CENPN: variants seen among roughly 807,000 people sequenced by gnomAD.
CENPN encodes centromere protein N, also known as interphase centromere complex protein 32.
A neutral mutation model predicts 48.6 loss-of-function variants in CENPN; 36 were observed. The ratio of observed to expected loss-of-function variants is 0.74; its 90% CI spans 0.57 to 0.98. CENPN has a LOEUF of 0.98. Ranked by LOEUF, CENPN falls within the 50% of genes least tolerant of loss-of-function variation. CENPN has a pLI of 0.00. For missense variants in CENPN, 439 were observed against 399.2 expected, an observed-to-expected ratio of 1.10 and a Z score of -0.85; for synonymous variants, 166 against 135.2, an observed-to-expected ratio of 1.23 and a Z score of -1.58.
chr16:81,026,843 T>TCTGGG (rs948309982), intron 9 of CENPN, among the ~76,000 whole-genome samples: 15 of 152,200 alleles, frequency 9.9e-5, no homozygotes, highest in African/African-American at 3.6e-4. Context: ...AAATTATGAA[T>TCTGGG]CTGGGCTGGG....
chr16:81,032,457 A>G (rs1482129158), downstream of CENPN: 2 of 1,056,170 alleles, frequency 1.9e-6, no homozygotes, highest in East Asian at 2.6e-5. Context: ...GGGTTGGGGA[A>G]TCATCACTCT....
At chr16:81,020,581 G>A in intron 6 of CENPN, 1 of 232,384 alleles carries the variant, frequency 4.3e-6, no homozygotes, top group Non-Finnish European at 8.3e-6. Flanking sequence ...GTTGTTATCT[G>A]CAGATGGGAA....
intron 2 of CENPN, among the ~76,000 whole-genome samples, chr16:81,012,810 G>A (rs904559195): frequency 3.9e-5 from 6 of 152,178 alleles, no homozygotes; most frequent in Non-Finnish European, 2.9e-5. Context: ...GGCCAGGTTG[G>A]TGTCAAACTC....
chr16:81,010,837 C>T (rs1204295409), intron 1 of CENPN, among the ~76,000 whole-genome samples: 1 of 152,108 alleles, frequency 6.6e-6, no homozygotes, highest in East Asian at 1.9e-4. Context: ...ATCTGGAAAC[C>T]CCGTGAGTTC....
chr16:81,012,535 A>C (rs1969784650), intron 2 of CENPN, among the ~76,000 whole-genome samples: 1 of 152,178 alleles, frequency 6.6e-6, no homozygotes, highest in Admixed American at 6.5e-5. Context: ...AAAAGTTGCA[A>C]ATTTAGTTCA....
chr16:81,020,079 T>C (rs764191947), intron 5 of CENPN, 21 bp from the exon 6 acceptor site: 2 of 534,282 alleles, frequency 3.7e-6, no homozygotes, highest in Admixed American at 2.0e-4. Flanking sequence ...AATTAAGCCT[T>C]TTTTTTTTTT....
At chr16:81,012,678 C>T (rs1969792010) in intron 2 of CENPN, among the ~76,000 whole-genome samples, 1 of 152,202 alleles carries the variant, frequency 6.6e-6, no homozygotes, top group Admixed American at 6.5e-5. Flanking sequence ...TTACTGCAAC[C>T]TCTGCCTCCC....
Position 81,028,264 on chromosome 16 carries a change from CT to C in CENPN, c.906del (p.Leu303TrpfsTer4). 6.2e-7 allele frequency: 1 copy of C among 1,614,144 alleles called. No individual in the cohort carries two copies. Among genetic ancestry groups the C allele is most frequent in the Non-Finnish European group, 8.5e-7 (1 of 1,179,972 alleles). On this transcript the variant is annotated frameshift_variant, in exon 10 of 11. Transcript: ENST00000305850. LOFTEE classifies it high-confidence loss of function. ...CCTAATAAAGTTCTCTAGCCCACAT[CT>C]TCTGGAAGCATTGAAATCCTTAGCA... ...RCLIKFSSPH[L>X]LEALKSLAPA...
At chr16:81,017,425 G>T in intron 4 of CENPN, 40 bp downstream of exon 4, 4 of 1,404,794 alleles carry the variant, frequency 2.8e-6, no homozygotes, top group Non-Finnish European at 4.0e-6. Context: ...TGATAGTTTG[G>T]CTTGGACTCA....
In CENPN at chr16:81,014,092, A is replaced by C. The variant is rs180887934; in HGVS notation, c.172-44A>C. The C allele has an allele frequency of 8.3e-5, 130 of 1,557,302 alleles. No homozygotes were observed. The East Asian group carries it at 2.6e-3, about 31-fold the overall frequency. The stretch of plus-strand genomic sequence containing the variant: ...AATGTGTTTTAAACGGGATAGAACC[A>C]AACCTATAACCACAGTTACTAAATA... On this transcript the variant is annotated intron_variant, in intron 2 of 10. Coordinates refer to ENST00000305850, the MANE Select transcript of CENPN (RefSeq NM_001100624.3).
chr16:81,016,656 G>C (rs1050421613), intron 3 of CENPN: 2 of 152,380 alleles, frequency 1.3e-5, no homozygotes, highest in Non-Finnish European at 2.9e-5. Flanking sequence ...CCAGTACTCG[G>C]GAGGCTGAAG....
Position 81,028,202 on chromosome 16 carries a change from G to A in CENPN, c.842G>A (p.Gly281Glu). 1 of 1,612,856 alleles carries A rather than the reference G, an allele frequency of 6.2e-7. No homozygotes were observed. Among genetic ancestry groups the A allele is most frequent in the Non-Finnish European group, 8.5e-7 (1 of 1,178,870 alleles). Residue 281 changes from glycine to glutamate, a missense_variant, in exon 10 of 11, where the codon GGG becomes GAG. Gly to Glu is a moderately conservative substitution (Grantham distance 98, BLOSUM62 -2). Coordinates refer to ENST00000305850, the MANE Select transcript of CENPN (RefSeq NM_001100624.3). The part of the protein sequence containing the change: ...LETKFKSGLN[G>E]SILAEREEPL... Reference sequence around the variant, plus strand: ...ACGAAATTCAAAAGTGGTTTAAATGGGAGCATCTTGGCTGAGAGGGAAGAA... The same window carrying A: ...ACGAAATTCAAAAGTGGTTTAAATGAGAGCATCTTGGCTGAGAGGGAAGAA...
intron 7 of CENPN, chr16:81,024,503 C>T (rs1268010676): frequency 1.7e-5 from 7 of 418,752 alleles, no homozygotes; most frequent in Non-Finnish European, 3.0e-5. Context: ...TGATAAAGCA[C>T]AGAGCTCCTC....
rs975098858 is a variant in CENPN, at chr16:81,029,826, T to C, written c.*1175T>C. On this transcript the variant is annotated 3_prime_UTR_variant, in exon 11 of 11. Coordinates refer to ENST00000305850, the MANE Select transcript of CENPN (RefSeq NM_001100624.3). ...CTGGGCTCAAGCAATCTGCCCATTT[T>C]AGCCTCCTAAAATGCTGGGATTATA... Among the ~76,000 whole-genome samples the C allele has an allele frequency of 1.1e-4, 16 of 152,166 alleles. No individual in the cohort carries two copies. The highest frequency in any genetic ancestry group is 1.8e-4 in the Non-Finnish European group (12 of 68,030).
chr16:81,032,493 G>A (rs996232063), downstream of CENPN: 17 of 1,446,302 alleles, frequency 1.2e-5, no homozygotes, highest in East Asian at 2.0e-4. Context: ...CACCAGGCAC[G>A]TTAATAAAAC....
chr16:81,027,084 C>T (rs1597109434), intron 9 of CENPN, among the ~76,000 whole-genome samples: 1 of 152,142 alleles, frequency 6.6e-6, no homozygotes, highest in South Asian at 2.1e-4. Context: ...AGACGTGAGC[C>T]ACTGCGCCCA....
At position 81,022,496 on chromosome 16, in the gene CENPN, G is replaced by A. The variant is rs983692520; in HGVS notation, c.532-101G>A. ...CTAGACTTCTTTTTACACTTACGGG[G>A]AAACTATTCCCTAATTGCAGCTCTT... On this transcript the variant is annotated intron_variant, in intron 6 of 10. Coordinates refer to ENST00000305850, the MANE Select transcript of CENPN (RefSeq NM_001100624.3). The A allele has an allele frequency of 1.3e-5, 13 of 976,916 alleles. No homozygotes were observed. In the Middle Eastern group the frequency reaches 1.3e-3, roughly 95 times the overall value. The allele number at this position is 976,916 out of a possible 1,614,324, so 60.5% of individuals were successfully genotyped here. A position where few individuals can be genotyped will look rare whatever the true frequency, so the allele number is the denominator to read the frequency against.
At position 81,020,209 on chromosome 16, in the gene CENPN, A is replaced by C; in HGVS notation, c.464A>C (p.Tyr155Ser). 1.9e-6 allele frequency: 3 copies of C among 1,613,996 alleles called. No individual in the cohort carries two copies. The highest frequency in any genetic ancestry group is 1.7e-6 in the Non-Finnish European group (2 of 1,180,014). Residue 155 changes from tyrosine (Y) to serine (S), a missense_variant, in exon 6 of 11, where the codon TAC becomes TCC. Transcript: ENST00000305850. ...TACAAACCTACCTACGTGGTGTACTACTCCCAGACTCCGTACGCCTTCACG... is the reference window on the plus strand; with the variant it reads ...TACAAACCTACCTACGTGGTGTACTCCTCCCAGACTCCGTACGCCTTCACG... ...NQYKPTYVVY[Y>S]SQTPYAFTSS... is the part of the protein sequence containing the mutation.
At chr16:81,015,240 T>G in intron 3 of CENPN, among the ~76,000 whole-genome samples, 1 of 150,488 alleles carries the variant, frequency 6.6e-6, no homozygotes, top group South Asian at 2.1e-4. Context: ...AAGATGTCTG[T>G]TTTTTTTATC....
Sources: gnomAD v4.1 joint callset for allele counts (sites outside exome capture counted in the v4.1 genomes callset) on GRCh38, gnomAD v4.1.1 for gene constraint, MANE v1.5 for transcripts, NCBI Gene and HGNC (gene_info 2026-07-23, HGNC 2026-07-21) for gene names.